Variants in DOCK1 observed in about 807,000 individuals in gnomAD.
DOCK1 encodes dedicator of cytokinesis protein 1.
Under a neutral mutation model 262.7 loss-of-function variants are expected in DOCK1, and 138 were observed. The observed-to-expected ratio is 0.53, with a 90% CI of 0.46 to 0.61. DOCK1 has a LOEUF of 0.61. Among genes scored for constraint, DOCK1 ranks in the 20% least tolerant of loss-of-function variants. DOCK1 has a pLI of 0.00. For synonymous variants in DOCK1, 866 were observed against 867.4 expected, an observed-to-expected ratio of 1.00 and a Z score of 0.03; for missense variants, 1,908 against 2,370.7, an observed-to-expected ratio of 0.80 and a Z score of 4.05.
chr10:127,330,408 G>GA (rs1221721146), intron 29 of DOCK1, among the ~76,000 whole-genome samples: 4,882 of 134,778 alleles, frequency 0.036, 185 homozygotes, highest in African/African-American at 0.1. Flanking sequence ...GGCTACATCA[G>GA]AAAAAAAAAA....
In DOCK1 at chr10:127,015,110, A is replaced by G. The variant is rs899958886; in HGVS notation, c.1201+2736A>G. 6 of 151,778 alleles carry G rather than the reference A, an allele frequency of 4.0e-5. No individual in the cohort carries two copies. In the South Asian group the frequency reaches 1.0e-3, roughly 26 times the overall value. 9.4% of individuals were successfully genotyped at this position (151,778 alleles called of 1,614,324 possible). A position where few individuals can be genotyped will look rare whatever the true frequency, so the allele number is the denominator to read the frequency against. Reference sequence around the variant, plus strand: ...GATACCTCTTTGGGGACCGCTTTCTATTGGTGGTTCTTCCTTCTTCAAACT... The same window carrying G: ...GATACCTCTTTGGGGACCGCTTTCTGTTGGTGGTTCTTCCTTCTTCAAACT... On this transcript the variant is annotated intron_variant, in intron 12 of 51. Transcript: ENST00000623213.
intron 10 of DOCK1, chr10:127,000,523 T>C: frequency 1.6e-6 from 1 of 635,296 alleles, no homozygotes. Context: ...ATATAAATCA[T>C]ATATTTGGTT....
intron 27 of DOCK1, among the ~76,000 whole-genome samples, chr10:127,244,997 C>T (rs1267340595): frequency 6.6e-6 from 1 of 152,192 alleles, no homozygotes; most frequent in Non-Finnish European, 1.5e-5. Context: ...TCACAGAGCT[C>T]GCTCACTTTT....
chr10:127,158,799 A>T (rs1452350791), intron 27 of DOCK1, among the ~76,000 whole-genome samples: 1 of 152,208 alleles, frequency 6.6e-6, no homozygotes, highest in Non-Finnish European at 1.5e-5. Flanking sequence ...GTCCCATGGC[A>T]GTTAGTTGTA....
chr10:127,312,231 A>G (rs1437613016), intron 29 of DOCK1, among the ~76,000 whole-genome samples: 1 of 152,194 alleles, frequency 6.6e-6, no homozygotes, highest in Non-Finnish European at 1.5e-5. Context: ...GCAGGTTTGC[A>G]GGTATCCCAG....
intron 30 of DOCK1, among the ~76,000 whole-genome samples, chr10:127,340,456 T>G (rs1343719638): frequency 3.3e-5 from 5 of 152,180 alleles, no homozygotes; most frequent in Non-Finnish European, 1.5e-5. Flanking sequence ...CTCTGTCATA[T>G]TCCACGATAT....
At chr10:127,448,581 T>G (rs1358155819) in intron 51 of DOCK1, among the ~76,000 whole-genome samples, 2 of 152,242 alleles carry the variant, frequency 1.3e-5, no homozygotes, top group East Asian at 3.9e-4. Context: ...AACTTCTGCT[T>G]CTAGGCTCAG....
At chr10:127,064,757 A>T (rs536878609) in intron 23 of DOCK1, among the ~76,000 whole-genome samples, 113 of 152,332 alleles carry the variant, frequency 7.4e-4, no homozygotes, top group African/African-American at 2.4e-3. Context: ...CCGTGGCCAA[A>T]TAACATGAAA....
At chr10:126,988,646 C>T (rs1282808911) in intron 5 of DOCK1, among the ~76,000 whole-genome samples, 1 of 152,178 alleles carries the variant, frequency 6.6e-6, no homozygotes, top group African/African-American at 2.4e-5. Flanking sequence ...AGTGGACCTA[C>T]TTAAGTCTGT....
intron 23 of DOCK1, among the ~76,000 whole-genome samples, chr10:127,065,634 C>G (rs1018116380): frequency 6.6e-6 from 1 of 152,080 alleles, no homozygotes; most frequent in Non-Finnish European, 1.5e-5. Flanking sequence ...ACCATGCTAC[C>G]GAAACCTCAC....
chr10:127,096,804 C>A (rs1461609879), intron 23 of DOCK1, among the ~76,000 whole-genome samples: 1 of 151,774 alleles, frequency 6.6e-6, no homozygotes, highest in African/African-American at 2.4e-5. Context: ...TGCTTAGAGA[C>A]GAGTATAAAA....
chr10:126,996,378 C>CAA (rs55841173), intron 6 of DOCK1, among the ~76,000 whole-genome samples: 99 of 95,424 alleles, frequency 1.0e-3, no homozygotes, highest in African/African-American at 2.1e-3. Flanking sequence ...GAGACTGTCT[C>CAA]AAAAAAAAAA....
intron 1 of DOCK1, among the ~76,000 whole-genome samples, chr10:126,939,706 C>T (rs1416506909): frequency 3.3e-5 from 5 of 152,218 alleles, no homozygotes; most frequent in South Asian, 2.1e-4. Flanking sequence ...CAGATGAGTC[C>T]GAGTCGTCAC....
intron 22 of DOCK1, among the ~76,000 whole-genome samples, chr10:127,059,140 G>T (rs2045366431): frequency 6.6e-6 from 1 of 152,008 alleles, no homozygotes; most frequent in African/African-American, 2.4e-5. Context: ...ATTCTATTTT[G>T]ATTTCCTTCA....
chr10:127,445,861 A>G (rs1257001889), intron 50 of DOCK1, among the ~76,000 whole-genome samples: 1 of 152,288 alleles, frequency 6.6e-6, no homozygotes, highest in Non-Finnish European at 1.5e-5. Context: ...CACGTGCTAC[A>G]GCACGGACGA....
chr10:127,253,145 A>T (rs1385743205), intron 28 of DOCK1, among the ~76,000 whole-genome samples: 1 of 152,174 alleles, frequency 6.6e-6, no homozygotes, highest in Non-Finnish European at 1.5e-5. Flanking sequence ...TCTACACTGG[A>T]GATGCTGACC....
intron 1 of DOCK1, among the ~76,000 whole-genome samples, 161 bp downstream of exon 1, chr10:126,905,724 C>G (rs2030622017): frequency 6.7e-6 from 1 of 149,334 alleles, no homozygotes; most frequent in Non-Finnish European, 1.5e-5. Flanking sequence ...TGCCCGGCGA[C>G]CCCGGCCGCC....
intron 9 of DOCK1, 148 bp from the exon 10 acceptor site, chr10:127,000,024 A>T: frequency 2.2e-6 from 2 of 890,738 alleles, no homozygotes; most frequent in African/African-American, 1.7e-5. Context: ...TATTGTTATT[A>T]AATTCCTTTT....
intron 30 of DOCK1, among the ~76,000 whole-genome samples, chr10:127,343,228 G>A (rs1385040756): frequency 6.6e-6 from 1 of 152,208 alleles, no homozygotes; most frequent in Non-Finnish European, 1.5e-5. Context: ...CTGGGCAACA[G>A]AGGGAGACTC....
Sources: allele counts gnomAD v4.1 joint callset (sites outside exome capture counted in the v4.1 genomes callset), GRCh38; gene constraint gnomAD v4.1.1; transcripts MANE v1.5; gene names NCBI Gene and HGNC (gene_info 2026-07-23, HGNC 2026-07-21).